Variants in ZBTB21 observed in about 807,000 individuals in gnomAD.
ZBTB21 encodes zinc finger and BTB domain containing 21, also known as zinc finger and BTB domain-containing protein 21.
Under a neutral mutation model 39.8 loss-of-function variants are expected in ZBTB21, and 10 were observed. The ratio of observed to expected loss-of-function variants is 0.25; its 90% CI spans 0.16 to 0.43. The LOEUF is 0.43. ZBTB21 is among the 20% of genes least tolerant of loss of function. ZBTB21 has a pLI of 1.00. For missense variants in ZBTB21, 1,221 were observed against 1,296.3 expected (o/e 0.94, Z 0.89); for synonymous variants, 551 against 498.8 (o/e 1.10, Z -1.40).
chr21:42,008,563 GAAAAA>G (rs1332944895), intron 1 of ZBTB21, among the ~76,000 whole-genome samples: 1 of 102,750 alleles, frequency 9.7e-6, no homozygotes, highest in African/African-American at 3.5e-5. Flanking sequence ...AAAAAAAAAA[GAAAAA>G]AAGAAAAGAA....
At position 41,989,575 on chromosome 21, in the gene ZBTB21, G is replaced by A. The variant is rs1251326071; in HGVS notation, c.*1320C>T. On this transcript the variant is annotated 3_prime_UTR_variant, in exon 3 of 3. Transcript: ENST00000310826. ...TTGAACTTTGGATATCCTACTGAAA[G>A]GCTTTCAATTACAAATTATACATAG... The A allele has an allele frequency of 6.6e-6, 1 of 151,908 alleles. No individual in the cohort carries two copies. Among genetic ancestry groups the A allele is most frequent in the African/African-American group, 2.4e-5 (1 of 41,332 alleles). 9.4% of individuals were successfully genotyped at this position (151,908 alleles called of 1,614,324 possible).
chr21:42,001,779 A>C (rs189019389), intron 2 of ZBTB21, among the ~76,000 whole-genome samples: 2 of 152,340 alleles, frequency 1.3e-5, no homozygotes, highest in African/African-American at 4.8e-5. Context: ...CTCAATATTG[A>C]CATCAACCCT....
chr21:41,993,973 G>A lies in ZBTB21; in HGVS notation c.123C>T (p.Phe41=). The A allele has an allele frequency of 1.2e-6, 2 of 1,614,212 alleles. No individual in the cohort carries two copies. Among genetic ancestry groups the A allele is most frequent in the South Asian group, 1.1e-5 (1 of 91,074 alleles). ...CAGCCAAGACGTTTTTATGAGCTCG[G>A]AACTTTTGGTCTCCAACAATCAGCA... is the stretch of plus-strand genomic sequence containing the variant. The part of the protein sequence containing the change: ...DVLLIVGDQK[F]RAHKNVLAAS... The change falls in exon 3 of 3, where the codon TTC becomes TTT. Residue 41 remains phenylalanine (F), a synonymous_variant. Transcript: ENST00000310826.
intron 1 of ZBTB21, among the ~76,000 whole-genome samples, chr21:42,005,982 G>A (rs1009681935): frequency 1.2e-4 from 19 of 152,350 alleles, no homozygotes; most frequent in African/African-American, 4.6e-4. Flanking sequence ...TATTTCAGCT[G>A]AGACCTAAGA....
Position 41,990,871 on chromosome 21 carries a change from C to T in ZBTB21, c.*24G>A. On this transcript the variant is annotated 3_prime_UTR_variant, in exon 3 of 3. Transcript: ENST00000310826. ...CAGGTTGAAATCTGGGGACTGCCTC[C>T]CATAGGTAAAAAGTGTTGGTCTTTC... 7.0e-7 allele frequency: 1 copy of T among 1,422,036 alleles called. No individual in the cohort carries two copies. Among genetic ancestry groups the T allele is most frequent in the Non-Finnish European group, 9.2e-7 (1 of 1,085,448 alleles). The allele number at this position is 1,422,036 out of a possible 1,614,324, so 88.1% of individuals were successfully genotyped here.
rs2065588697 is a variant in ZBTB21, at chr21:41,987,145, A to G, written c.*3750T>C. 1 of 152,370 alleles carries G rather than the reference A, an allele frequency of 6.6e-6. No individual in the cohort carries two copies. Among genetic ancestry groups the G allele is most frequent in the Non-Finnish European group, 1.5e-5 (1 of 68,046 alleles). 9.4% of individuals were successfully genotyped at this position (152,370 alleles called of 1,614,324 possible). ...TTCTGAAAACTAGTATTAACTGAGT[A>G]TAACTGTGTGAAAAATCTGGACAGC... On this transcript the variant is annotated 3_prime_UTR_variant, in exon 3 of 3. Coordinates refer to ENST00000310826, the MANE Select transcript of ZBTB21 (RefSeq NM_001098402.2).
chr21:42,006,428 C>CAA (rs11325246), intron 1 of ZBTB21, among the ~76,000 whole-genome samples: 1 of 135,082 alleles, frequency 7.4e-6, no homozygotes, highest in African/African-American at 2.7e-5. Context: ...AACTCCGTCT[C>CAA]AAAAAAAAAA....
chr21:41,996,745 C>T (rs2065752500), intron 2 of ZBTB21, among the ~76,000 whole-genome samples: 1 of 152,214 alleles, frequency 6.6e-6, no homozygotes, highest in Admixed American at 6.5e-5. Context: ...AGCAAAATCT[C>T]ATTTTGAATT....
At position 41,986,986 on chromosome 21, in the gene ZBTB21, T is replaced by G. The variant is rs1413906301; in HGVS notation, c.*3909A>C. On this transcript the variant is annotated 3_prime_UTR_variant, in exon 3 of 3. Transcript: ENST00000310826. Reference sequence around the variant, plus strand: ...GAATTTTCAGTTCGAAAAAGCTTATTCCTAAGTAAAATGGAAAAATGACTT... The same window carrying G: ...GAATTTTCAGTTCGAAAAAGCTTATGCCTAAGTAAAATGGAAAAATGACTT... 2 of 152,662 alleles carry G rather than the reference T, an allele frequency of 1.3e-5. No homozygotes were observed. The highest frequency in any genetic ancestry group is 2.9e-5 in the Non-Finnish European group (2 of 68,044). 9.5% of individuals were successfully genotyped at this position (152,662 alleles called of 1,614,324 possible). A position where few individuals can be genotyped will look rare whatever the true frequency, so the allele number is the denominator to read the frequency against.
Position 41,990,834 on chromosome 21 carries a change from C to T in ZBTB21, c.*61G>A. ...AAAAAATATTTTGTTTCTTATGACA[C>T]ATTTCACAATTCAGGTTGAAATCTG... On this transcript the variant is annotated 3_prime_UTR_variant, in exon 3 of 3. Coordinates refer to ENST00000310826, the MANE Select transcript of ZBTB21 (RefSeq NM_001098402.2). 2.9e-6 allele frequency: 4 copies of T among 1,371,816 alleles called. No homozygotes were observed. The highest frequency in any genetic ancestry group is 3.8e-6 in the Non-Finnish European group (4 of 1,046,198). 85.0% of individuals were successfully genotyped at this position (1,371,816 alleles called of 1,614,324 possible). A position where few individuals can be genotyped will look rare whatever the true frequency, so the allele number is the denominator to read the frequency against.
At position 41,993,995 on chromosome 21, in the gene ZBTB21, AGCAG is replaced by A; in HGVS notation, c.97_100del (p.Leu33Ter). 6.2e-7 allele frequency: 1 copy of A among 1,614,278 alleles called. No individual in the cohort carries two copies. The highest frequency in any genetic ancestry group is 8.5e-7 in the Non-Finnish European group (1 of 1,180,048). ...TCGGAACTTTTGGTCTCCAACAATC[AGCAG>A]CACATCACACAGCTGTCCTTTGAGA... is the stretch of plus-strand genomic sequence containing the variant. On this transcript the variant is annotated frameshift_variant, in exon 3 of 3. Transcript: ENST00000310826. LOFTEE classifies it low-confidence loss of function (END_TRUNC).
At position 41,993,348 on chromosome 21, in the gene ZBTB21, C is replaced by G. The variant is rs954143562; in HGVS notation, c.748G>C (p.Glu250Gln). The G allele has an allele frequency of 3.7e-6, 6 of 1,613,706 alleles. No homozygotes were observed. In the African/African-American group the frequency reaches 5.3e-5, roughly 14 times the overall value. Residue 250 changes from glutamate to glutamine, a missense_variant, in exon 3 of 3, where the codon GAA (glutamate) becomes CAA (glutamine). By Grantham distance (29) the Glu-to-Gln change is conservative. Coordinates refer to ENST00000310826, the MANE Select transcript of ZBTB21 (RefSeq NM_001098402.2). ...VLPSKPLQDR[E>Q]AMDDKPGVSG... ...ACACCTGGTTTATCATCCATAGCTT[C>G]TCTGTCTTGCAGAGGCTTTGAAGGC...
Position 41,993,199 on chromosome 21 carries a change from A to G in ZBTB21, c.897T>C (p.Asn299=), listed in dbSNP as rs758306626. Residue 299 remains asparagine, a synonymous_variant, in exon 3 of 3, where the codon AAT becomes AAC. Coordinates refer to ENST00000310826, the MANE Select transcript of ZBTB21 (RefSeq NM_001098402.2). ...PYLLKETNKG[N]GQGEDRNLLY... ...ACAAGTTTCTATCTTCACCTTGACC[A>G]TTTCCTTTGTTAGTTTCTTTTAATA... is the stretch of plus-strand genomic sequence containing the variant. The G allele has an allele frequency of 1.9e-5, 30 of 1,612,792 alleles. No homozygotes were observed. The highest frequency in any genetic ancestry group is 5.3e-5 in the African/African-American group (4 of 74,876).
At chr21:41,998,343 C>T (rs138907660) in intron 2 of ZBTB21, among the ~76,000 whole-genome samples, 1,974 of 152,132 alleles carry the variant, frequency 0.013, 48 homozygotes, top group African/African-American at 0.045. Context: ...AGGCGTGCAC[C>T]ACCACGCCCA....
At chr21:41,994,366 G>A (rs572574811) in intron 2 of ZBTB21, among the ~76,000 whole-genome samples, 2 of 152,250 alleles carry the variant, frequency 1.3e-5, no homozygotes, top group East Asian at 1.9e-4. Context: ...CATCAAAAAG[G>A]CTGCCAGAAC....
In ZBTB21 at chr21:41,990,102, T is replaced by C. The variant is rs1334254489; in HGVS notation, c.*793A>G. On this transcript the variant is annotated 3_prime_UTR_variant, in exon 3 of 3. Coordinates refer to ENST00000310826, the MANE Select transcript of ZBTB21 (RefSeq NM_001098402.2). The stretch of plus-strand genomic sequence containing the variant: ...CAAATGCTGGTCTGAATTTAGACTG[T>C]GGTGCAGTGTACATGTAACATGGTA... The C allele has an allele frequency of 6.6e-6, 1 of 152,254 alleles. No individual in the cohort carries two copies. The highest frequency in any genetic ancestry group is 1.9e-4 in the East Asian group (1 of 5,206). The allele number at this position is 152,254 out of a possible 1,614,324, so 9.4% of individuals were successfully genotyped here.
At chr21:41,999,685 AAAG>A (rs1345868623) in intron 2 of ZBTB21, among the ~76,000 whole-genome samples, 3 of 152,224 alleles carry the variant, frequency 2.0e-5, no homozygotes, top group South Asian at 4.1e-4. Flanking sequence ...AAATGGGATC[AAAG>A]AAGGTGTGAA....
chr21:42,005,911 A>AT, intron 1 of ZBTB21, among the ~76,000 whole-genome samples: 1 of 152,342 alleles, frequency 6.6e-6, no homozygotes, highest in South Asian at 2.1e-4. Flanking sequence ...GGAAATAAAT[A>AT]AGGTGCTATA....
chr21:42,001,946 ACAGAG>A (rs2065822478), intron 2 of ZBTB21, among the ~76,000 whole-genome samples: 1 of 152,218 alleles, frequency 6.6e-6, no homozygotes, highest in Non-Finnish European at 1.5e-5. Flanking sequence ...CAGAGACAAG[ACAGAG>A]CAGGAGGAAT....
Sources: allele counts gnomAD v4.1 joint callset (sites outside exome capture counted in the v4.1 genomes callset), GRCh38; gene constraint gnomAD v4.1.1; transcripts MANE v1.5; gene names NCBI Gene and HGNC (gene_info 2026-07-23, HGNC 2026-07-21).